Variants in ZNF644 observed in about 807,000 individuals in gnomAD.
ZNF644 encodes zinc finger motif enhancer binding protein 2.
A neutral mutation model predicts 108.0 loss-of-function variants in ZNF644; 20 were observed. The observed-to-expected ratio is 0.19, with a 90% CI of 0.13 to 0.27. ZNF644 has a LOEUF of 0.27. Ranked by LOEUF, ZNF644 falls within the 10% of genes least tolerant of loss-of-function variation. The pLI, the probability that ZNF644 is intolerant of heterozygous loss-of-function variation, is 1.00. For synonymous variants in ZNF644, 542 were observed against 539.1 expected (o/e 1.01, Z -0.08); for missense variants, 1,338 against 1,548.9 (o/e 0.86, Z 2.29).
At chr1:90,973,125 A>AT (rs1655663089) in intron 2 of ZNF644, 1 of 152,044 alleles carries the variant, frequency 6.6e-6, no homozygotes, top group African/African-American at 2.4e-5. Context: ...GTTTACCATA[A>AT]TAAAAAAAAA....
intron 1 of ZNF644, among the ~76,000 whole-genome samples, chr1:91,000,023 C>T (rs1013987095): frequency 6.6e-6 from 1 of 152,144 alleles, no homozygotes; most frequent in East Asian, 1.9e-4. Context: ...TACAGGAGCA[C>T]CCAGATTCAT....
chr1:91,021,331 G>A (rs1436168980), intron 1 of ZNF644: 3 of 152,498 alleles, frequency 2.0e-5, no homozygotes, highest in Non-Finnish European at 4.4e-5. Flanking sequence ...CGGGGGGAGG[G>A]GAGGGCTATG....
chr1:90,962,241 C>CATTATT (rs202091579), intron 2 of ZNF644, among the ~76,000 whole-genome samples: 240 of 147,534 alleles, frequency 1.6e-3, no homozygotes, highest in Non-Finnish European at 2.6e-3. Context: ...GATATAAAGA[C>CATTATT]ATTATTATTA....
At chr1:91,002,754 G>C (rs969571986) in intron 1 of ZNF644, among the ~76,000 whole-genome samples, 1 of 152,064 alleles carries the variant, frequency 6.6e-6, no homozygotes, top group Non-Finnish European at 1.5e-5. Context: ...CCTACAGAAC[G>C]GGAGAAAATT....
intron 1 of ZNF644, among the ~76,000 whole-genome samples, chr1:90,990,399 T>C (rs1427880891): frequency 6.6e-6 from 1 of 152,130 alleles, no homozygotes; most frequent in Non-Finnish European, 1.5e-5. Flanking sequence ...CCTTCCTCCC[T>C]GAAAACTCAA....
intron 1 of ZNF644, among the ~76,000 whole-genome samples, chr1:91,019,098 T>G (rs1660664926): frequency 6.6e-6 from 1 of 152,214 alleles, no homozygotes; most frequent in African/African-American, 2.4e-5. Context: ...ACAATTTAAC[T>G]TTTTGCTAAA....
intron 4 of ZNF644, among the ~76,000 whole-genome samples, chr1:90,936,171 C>T (rs534901770): frequency 6.6e-6 from 1 of 152,290 alleles, no homozygotes; most frequent in East Asian, 1.9e-4. Context: ...AACAAGCTAA[C>T]ATCTTAGTCA....
intron 1 of ZNF644, among the ~76,000 whole-genome samples, chr1:91,003,781 T>C (rs889404292): frequency 6.6e-6 from 1 of 152,170 alleles, no homozygotes; most frequent in Middle Eastern, 3.4e-3. Context: ...AACCCAGACA[T>C]AGGACTGACT....
At chr1:90,948,291 T>C (rs1194761780) in intron 2 of ZNF644, among the ~76,000 whole-genome samples, 1 of 152,324 alleles carries the variant, frequency 6.6e-6, no homozygotes, top group South Asian at 2.1e-4. Flanking sequence ...AAAGTGCTGT[T>C]GATGAAGCTT....
At chr1:90,960,107 T>A (rs1431689942) in intron 2 of ZNF644, among the ~76,000 whole-genome samples, 1 of 152,110 alleles carries the variant, frequency 6.6e-6, no homozygotes, top group Non-Finnish European at 1.5e-5. Flanking sequence ...TTTCACTTAA[T>A]AATGGTCCCA....
chr1:90,959,722 T>C (rs74099876), intron 2 of ZNF644, among the ~76,000 whole-genome samples: 1,926 of 152,066 alleles, frequency 0.013, 38 homozygotes, highest in African/African-American at 0.044. Context: ...AGGGGGCAAA[T>C]AGAAAGTGAT....
intron 2 of ZNF644, among the ~76,000 whole-genome samples, chr1:90,959,793 A>G (rs1654144881): frequency 6.6e-6 from 1 of 152,204 alleles, no homozygotes. Flanking sequence ...CTAGAGAGCT[A>G]GTGGTTGCAC....
Position 90,938,826 on chromosome 1 carries a change from T to C in ZNF644, c.2528A>G (p.Lys843Arg). ...ATCTTTCTTTTCAGCAGAATTAAGT[T>C]TTTGCAAAACGACAACAGTCATTTT... ...LHKMTVVVLQ[K>R]LNSAEKKDSY... is the part of the protein sequence containing the mutation. Residue 843 changes from lysine (K) to arginine (R), a missense_variant, in exon 3 of 6, where the codon AAA (lysine) becomes AGA (arginine). Physicochemically the swap from Lys to Arg is conservative, Grantham distance 26. Around this residue, in one of 6 missense-constraint regions of ZNF644, gnomAD observed 462 missense variants for 472.6 expected, o/e 0.98. Coordinates refer to ENST00000337393, the MANE Select transcript of ZNF644 (RefSeq NM_201269.3). This position sits in a 1 kb window ranked among gnomAD's most constrained non-coding sequence, Gnocchi z 4.2. 1 of 1,613,890 alleles carries C rather than the reference T, an allele frequency of 6.2e-7. No homozygotes were observed. Among genetic ancestry groups the C allele is most frequent in the Non-Finnish European group, 8.5e-7 (1 of 1,179,938 alleles).
chr1:90,921,056 G>T (rs999184143), intron 4 of ZNF644, among the ~76,000 whole-genome samples: 10 of 151,940 alleles, frequency 6.6e-5, no homozygotes, highest in Non-Finnish European at 1.5e-4. Context: ...GCACAAAAAG[G>T]GGACATCTAT....
At position 90,938,104 on chromosome 1, in the gene ZNF644, T is replaced by C; in HGVS notation, c.3083-14A>G. ...ACTTCTCTATAGCTAGAAAAAAATT[T>C]TTAAGAGTAATATCAGACTTTCTTA... On this transcript the variant is annotated splice_polypyrimidine_tract_variant and intron_variant, in intron 3 of 5. Coordinates refer to ENST00000337393, the MANE Select transcript of ZNF644 (RefSeq NM_201269.3). This position sits in a 1 kb window ranked among gnomAD's most constrained non-coding sequence, Gnocchi z 4.2. 6.2e-7 allele frequency: 1 copy of C among 1,610,744 alleles called. No homozygotes were observed. The highest frequency in any genetic ancestry group is 8.5e-7 in the Non-Finnish European group (1 of 1,179,400).
At chr1:91,010,155 C>T (rs926372729) in intron 1 of ZNF644, among the ~76,000 whole-genome samples, 5 of 151,756 alleles carry the variant, frequency 3.3e-5, no homozygotes, top group African/African-American at 1.2e-4. Flanking sequence ...ATGCCACAAT[C>T]TTATTACTTT....
In ZNF644 at chr1:90,939,262, T is replaced by C. The variant is rs529278742; in HGVS notation, c.2092A>G (p.Met698Val). Residue 698 changes from methionine (M) to valine (V), a missense_variant, in exon 3 of 6, where the codon ATG becomes GTG. Coordinates refer to ENST00000337393, the MANE Select transcript of ZNF644 (RefSeq NM_201269.3). ...TGAGGAGAGCTGTTTTGATTGCACATGTTTACACCTGATTGGGCAATGCTT... is the reference window on the plus strand; with the variant it reads ...TGAGGAGAGCTGTTTTGATTGCACACGTTTACACCTGATTGGGCAATGCTT... ...RKSIAQSGVN[M>V]CNQNSSPHKN... 9.3e-6 allele frequency: 15 copies of C among 1,614,084 alleles called. 1 individual carries two copies. In the South Asian group the frequency reaches 1.3e-4, roughly 14 times the overall value.
At chr1:90,976,416 C>T (rs1305617690) in intron 2 of ZNF644, among the ~76,000 whole-genome samples, 3 of 152,130 alleles carry the variant, frequency 2.0e-5, no homozygotes, top group Admixed American at 6.5e-5. Flanking sequence ...TCAATAAAGG[C>T]TTACTGAATG....
At chr1:90,958,361 T>C (rs543018816) in intron 2 of ZNF644, among the ~76,000 whole-genome samples, 4 of 151,614 alleles carry the variant, frequency 2.6e-5, no homozygotes, top group South Asian at 2.1e-4. Flanking sequence ...TCTATGTTCA[T>C]GGATTTCAAG....
Sources: gnomAD v4.1 joint callset for allele counts (sites outside exome capture counted in the v4.1 genomes callset) on GRCh38, gnomAD v4.1.1 for gene constraint, gnomAD v4.1.1 regional missense constraint, Gnocchi (gnomAD v3.1) non-coding constraint, MANE v1.5 for transcripts, NCBI Gene and HGNC (gene_info 2026-07-23, HGNC 2026-07-21) for gene names.